Variants in DGKB observed in about 807,000 individuals in gnomAD.
The protein encoded by DGKB is 90 kDa diacylglycerol kinase.
A neutral mutation model predicts 114.3 loss-of-function variants in DGKB; 67 were observed. The observed-to-expected ratio is 0.59, with a 90% confidence interval of 0.48 to 0.72. The LOEUF (loss-of-function observed/expected upper bound fraction) is 0.72, where lower values mean the gene tolerates loss of function less well. DGKB is among the 30% of genes least tolerant of loss of function. The probability of loss-of-function intolerance (pLI) is 0.00; values close to 1 mark genes in which losing one functional copy is unlikely to be tolerated. For missense variants in DGKB, 907 were observed against 975.2 expected (o/e 0.93, Z 0.93); for synonymous variants, 398 against 323.1 (o/e 1.23, Z -2.49).
chr7:14,779,661 C>A (rs1157126276), intron 2 of DGKB, among the ~76,000 whole-genome samples: 3 of 152,158 alleles, frequency 2.0e-5, no homozygotes, highest in Non-Finnish European at 4.4e-5. Flanking sequence ...TTATCCACTT[C>A]TGTTTTGTTT....
At chr7:14,943,163 T>G (rs537276988) in intron 1 of DGKB, among the ~76,000 whole-genome samples, 3 of 152,018 alleles carry the variant, frequency 2.0e-5, no homozygotes, top group African/African-American at 7.2e-5. Context: ...TTCCTTCACT[T>G]GAGATATATT....
intron 17 of DGKB, among the ~76,000 whole-genome samples, chr7:14,587,166 G>T (rs1800914231): frequency 6.6e-6 from 1 of 152,214 alleles, no homozygotes. Flanking sequence ...ATGGACAGAG[G>T]TCAAAATATC....
In DGKB at chr7:14,291,999, A is replaced by G. The variant is rs530222966; in HGVS notation, c.2122+46516T>C. Among the ~76,000 whole-genome samples the G allele has an allele frequency of 2.6e-5, 4 of 152,206 alleles. No homozygotes were observed. The South Asian group carries it at 8.3e-4, about 32-fold the overall frequency. ...CCTCCTTTTCAATTTTTTTTTCACA[A>G]AAAAGGCACAATATCTGAAGGACAC... On this transcript the variant is annotated intron_variant, in intron 23 of 25. Coordinates refer to ENST00000402815, the MANE Select transcript of DGKB (RefSeq NM_001350709.2).
At chr7:14,159,208 A>G (rs746017449) in intron 25 of DGKB, among the ~76,000 whole-genome samples, 5 of 151,950 alleles carry the variant, frequency 3.3e-5, no homozygotes, top group Non-Finnish European at 7.4e-5. Flanking sequence ...CTCTTCTTTC[A>G]TGTCTTCCTT....
chr7:14,823,736 A>C (rs2128106651), intron 2 of DGKB, among the ~76,000 whole-genome samples: 1 of 152,284 alleles, frequency 6.6e-6, no homozygotes, highest in East Asian at 1.9e-4. Context: ...AAGGTATTAC[A>C]TTTTTCCCTG....
chr7:14,509,691 C>G (rs1359287015), intron 20 of DGKB, among the ~76,000 whole-genome samples: 2 of 152,210 alleles, frequency 1.3e-5, no homozygotes, highest in Non-Finnish European at 2.9e-5. Flanking sequence ...CCCGAGAGCT[C>G]TGGGCCGTGA....
At chr7:14,427,087 G>GC (rs1411323066) in intron 21 of DGKB, among the ~76,000 whole-genome samples, 1 of 151,870 alleles carries the variant, frequency 6.6e-6, no homozygotes, top group Non-Finnish European at 1.5e-5. Flanking sequence ...ACACACTGGG[G>GC]CCTGTCAGGG....
chr7:14,383,523 AGG>A lies in DGKB; in HGVS notation c.1836-38134_1836-38133del, dbSNP rs560015539. Among the ~76,000 whole-genome samples the A allele has an allele frequency of 1.3e-4, 20 of 152,270 alleles. No homozygotes were observed. In the South Asian group the frequency reaches 3.5e-3, roughly 27 times the overall value. On this transcript the variant is annotated intron_variant, in intron 21 of 25. Coordinates refer to ENST00000402815, the MANE Select transcript of DGKB (RefSeq NM_001350709.2). ...TATGTGTTGGCTTTCCAGTGTCATCAGGGGCCCAGATTCCTGTCTTTCTGCTC... is the reference window on the plus strand; with the variant it reads ...TATGTGTTGGCTTTCCAGTGTCATCAGGCCCAGATTCCTGTCTTTCTGCTC...
chr7:14,943,631 A>G (rs1254696562), intron 1 of DGKB, among the ~76,000 whole-genome samples: 1 of 125,168 alleles, frequency 8.0e-6, no homozygotes. Context: ...ACCAGTTTTG[A>G]AGTGAAACAC....
chr7:14,563,868 CAGAGAAAAGCA>C (rs952752767), intron 20 of DGKB, among the ~76,000 whole-genome samples: 2 of 152,140 alleles, frequency 1.3e-5, no homozygotes, highest in Non-Finnish European at 2.9e-5. Context: ...TTTCCTTCCT[CAGAGAAAAGCA>C]AGCTGCTGTA....
chr7:14,592,691 T>C (rs1465285296), intron 17 of DGKB, among the ~76,000 whole-genome samples: 1 of 151,926 alleles, frequency 6.6e-6, no homozygotes, highest in Non-Finnish European at 1.5e-5. Flanking sequence ...AATCCATGCA[T>C]GAATTATTTA....
At chr7:14,488,238 A>T (rs1370155938) in intron 20 of DGKB, among the ~76,000 whole-genome samples, 1 of 152,200 alleles carries the variant, frequency 6.6e-6, no homozygotes, top group Non-Finnish European at 1.5e-5. Context: ...AACTTCCAAG[A>T]AGAGAATATA....
chr7:14,275,574 T>C (rs1025830236), intron 23 of DGKB, among the ~76,000 whole-genome samples: 8 of 152,216 alleles, frequency 5.3e-5, no homozygotes, highest in Non-Finnish European at 7.3e-5. Flanking sequence ...TGTGGAACTT[T>C]TAATAGCGCC....
At chr7:14,206,840 G>A (rs554313074) in intron 23 of DGKB, among the ~76,000 whole-genome samples, 1 of 152,006 alleles carries the variant, frequency 6.6e-6, no homozygotes, top group East Asian at 1.9e-4. Context: ...ACTATTTTTT[G>A]TAGAAAGTGT....
intron 5 of DGKB, among the ~76,000 whole-genome samples, chr7:14,727,397 T>A (rs2128375990): frequency 6.6e-6 from 1 of 152,256 alleles, no homozygotes; most frequent in Admixed American, 6.5e-5. Flanking sequence ...AGGAAGAGGT[T>A]GGCAGGATAA....
At chr7:14,460,960 A>C (rs1472031702) in intron 21 of DGKB, among the ~76,000 whole-genome samples, 1 of 149,986 alleles carries the variant, frequency 6.7e-6, no homozygotes, top group African/African-American at 2.5e-5. Flanking sequence ...CCAAAACTAC[A>C]CAACTACAGG....
chr7:14,440,554 G>A (rs1426315274), intron 21 of DGKB, among the ~76,000 whole-genome samples: 1 of 152,162 alleles, frequency 6.6e-6, no homozygotes, highest in Non-Finnish European at 1.5e-5. Context: ...GATACATTCA[G>A]ATTGATAAAG....
intron 2 of DGKB, among the ~76,000 whole-genome samples, chr7:14,782,708 A>G (rs2128491196): frequency 6.6e-6 from 1 of 152,338 alleles, no homozygotes; most frequent in South Asian, 2.1e-4. Flanking sequence ...GTGACAATTC[A>G]GCAAAGATCT....
At chr7:14,289,777 T>C (rs1481743814) in intron 23 of DGKB, among the ~76,000 whole-genome samples, 3 of 142,540 alleles carry the variant, frequency 2.1e-5, no homozygotes, top group Admixed American at 7.0e-5. Flanking sequence ...AAAACCCTAA[T>C]GAAAGCAATT....
Sources: allele counts gnomAD v4.1 joint callset (sites outside exome capture counted in the v4.1 genomes callset), GRCh38; gene constraint gnomAD v4.1.1; transcripts MANE v1.5; gene names NCBI Gene and HGNC (gene_info 2026-07-23, HGNC 2026-07-21).